Variants in GPC5 observed in about 807,000 individuals in gnomAD.
GPC5 encodes the protein glypican-5.
GPC5 carries 47 observed loss-of-function variants against 53.9 expected under a neutral mutation model. The observed-to-expected ratio is 0.87, with a 90% CI of 0.69 to 1.11. The LOEUF is 1.11. GPC5 is among the 50% of genes most tolerant of loss of function. The pLI is 0.00. For synonymous variants in GPC5, 286 were observed against 263.3 expected (o/e 1.09, Z -0.84); for missense variants, 748 against 713.1 (o/e 1.05, Z -0.56).
chr13:92,647,481 C>T (rs1260081768), intron 7 of GPC5, among the ~76,000 whole-genome samples: 5 of 152,054 alleles, frequency 3.3e-5, no homozygotes, highest in South Asian at 2.1e-4. Flanking sequence ...ACAGCACCCT[C>T]AGTTGACAGG....
intron 6 of GPC5, among the ~76,000 whole-genome samples, chr13:91,926,311 A>T (rs2039766901): frequency 1.3e-5 from 2 of 150,834 alleles, no homozygotes; most frequent in Non-Finnish European, 3.0e-5. Flanking sequence ...CAGTGAGCCA[A>T]GATCGCACCA....
chr13:92,097,042 C>G (rs1227759878), intron 6 of GPC5, among the ~76,000 whole-genome samples: 5 of 152,128 alleles, frequency 3.3e-5, no homozygotes, highest in Non-Finnish European at 7.4e-5. Flanking sequence ...CTAAACAATT[C>G]CAAAACTATC....
chr13:92,087,932 A>G lies in GPC5; in HGVS notation c.1402-56898A>G, dbSNP rs139473622. Among the ~76,000 whole-genome samples the G allele has an allele frequency of 3.4e-3, 508 of 149,664 alleles. 2 individuals carry two copies. The highest frequency in any genetic ancestry group is 0.012 in the African/African-American group (485 of 40,006). On this transcript the variant is annotated intron_variant, in intron 6 of 7. Coordinates refer to ENST00000377067, the MANE Select transcript of GPC5 (RefSeq NM_004466.6). ...TTGTTATGCTATTCTCTAGCTTCCA[A>G]CTACTTTTTTTTTTTTTAAAGAGAT...
intron 7 of GPC5, among the ~76,000 whole-genome samples, chr13:92,528,463 CT>C (rs964507550): frequency 2.0e-5 from 3 of 151,810 alleles, no homozygotes; most frequent in African/African-American, 4.8e-5. Flanking sequence ...ACAGAGTGTT[CT>C]TTTTTTATTA....
chr13:92,762,039 A>G (rs2138738161), intron 7 of GPC5, among the ~76,000 whole-genome samples: 1 of 152,058 alleles, frequency 6.6e-6, no homozygotes, highest in South Asian at 2.1e-4. Flanking sequence ...GAGTCCTTCA[A>G]ATAGAAAAAA....
chr13:92,058,005 G>A (rs921963550), intron 6 of GPC5, among the ~76,000 whole-genome samples: 1 of 152,036 alleles, frequency 6.6e-6, no homozygotes, highest in Non-Finnish European at 1.5e-5. Context: ...TTTGAGAGGG[G>A]AAAATGGCAG....
intron 2 of GPC5, among the ~76,000 whole-genome samples, chr13:91,488,133 G>T (rs1566443363): frequency 6.6e-6 from 1 of 152,044 alleles, no homozygotes; most frequent in Non-Finnish European, 1.5e-5. Context: ...GGAACCTGTT[G>T]TTCCAAGTTT....
At chr13:92,276,780 C>T (rs2042878692) in intron 7 of GPC5, among the ~76,000 whole-genome samples, 1 of 151,994 alleles carries the variant, frequency 6.6e-6, no homozygotes, top group South Asian at 2.1e-4. Flanking sequence ...TGTATAATGA[C>T]CTGCTATAGA....
At chr13:91,571,937 A>ATACGTG (rs1566516260) in intron 2 of GPC5, among the ~76,000 whole-genome samples, 42 of 133,934 alleles carry the variant, frequency 3.1e-4, no homozygotes, top group Non-Finnish European at 5.7e-4. Context: ...ATATACACAC[A>ATACGTG]TGTATATACA....
At chr13:92,537,188 A>C (rs1881752872) in intron 7 of GPC5, among the ~76,000 whole-genome samples, 1 of 152,178 alleles carries the variant, frequency 6.6e-6, no homozygotes, top group Admixed American at 6.6e-5. Context: ...GCATATTTCA[A>C]AGTTAAAAAT....
intron 7 of GPC5, among the ~76,000 whole-genome samples, chr13:92,534,134 T>TA (rs1444760890): frequency 2.0e-5 from 3 of 152,080 alleles, no homozygotes; most frequent in South Asian, 2.1e-4. Context: ...AAAAAAGTTT[T>TA]AAAAAAATAG....
chr13:92,623,378 G>T (rs1884938243), intron 7 of GPC5, among the ~76,000 whole-genome samples: 1 of 152,158 alleles, frequency 6.6e-6, no homozygotes, highest in Non-Finnish European at 1.5e-5. Flanking sequence ...AGAGGTGAAG[G>T]AAGAAATTGC....
At chr13:91,784,760 C>T (rs1369288272) in intron 5 of GPC5, among the ~76,000 whole-genome samples, 1 of 150,302 alleles carries the variant, frequency 6.7e-6, no homozygotes, top group Non-Finnish European at 1.5e-5. Flanking sequence ...ATTAGGATGT[C>T]AAAAAGTAGT....
chr13:91,794,218 A>G (rs1432868193), intron 5 of GPC5, among the ~76,000 whole-genome samples: 1 of 152,164 alleles, frequency 6.6e-6, no homozygotes, highest in Non-Finnish European at 1.5e-5. Context: ...CAACACCCCA[A>G]AGTTGAACTA....
intron 7 of GPC5, among the ~76,000 whole-genome samples, chr13:92,513,673 G>A (rs915918819): frequency 2.0e-4 from 30 of 151,946 alleles, no homozygotes; most frequent in African/African-American, 6.8e-4. Context: ...GATAAGAAGT[G>A]TCTCAGACTT....
chr13:92,234,662 T>G (rs535236600), intron 7 of GPC5, among the ~76,000 whole-genome samples: 1 of 151,846 alleles, frequency 6.6e-6, no homozygotes, highest in African/African-American at 2.4e-5. Context: ...AAGATAAGGG[T>G]TACTTTATTA....
chr13:91,497,991 T>C (rs1884372548), intron 2 of GPC5, among the ~76,000 whole-genome samples: 1 of 152,150 alleles, frequency 6.6e-6, no homozygotes, highest in African/African-American at 2.4e-5. Context: ...AATGTAAAGA[T>C]TTATTCCCCT....
chr13:91,920,924 C>CTTTTTTT (rs1447586700), intron 6 of GPC5, among the ~76,000 whole-genome samples: 8 of 59,588 alleles, frequency 1.3e-4, no homozygotes, highest in African/African-American at 4.1e-4. Context: ...CTCTCTCTCT[C>CTTTTTTT]TCTTTTTTTT....
chr13:92,834,965 G>A (rs1878174755), intron 7 of GPC5, among the ~76,000 whole-genome samples: 1 of 152,010 alleles, frequency 6.6e-6, no homozygotes, highest in African/African-American at 2.4e-5. Context: ...TAAAAGATGA[G>A]AATAAGAAAA....
Sources: allele counts gnomAD v4.1 joint callset (sites outside exome capture counted in the v4.1 genomes callset), GRCh38; gene constraint gnomAD v4.1.1; transcripts MANE v1.5; gene names NCBI Gene and HGNC (gene_info 2026-07-23, HGNC 2026-07-21).